Variants in EFNA5 observed in about 807,000 individuals in gnomAD.
EFNA5 encodes ephrin A5.
EFNA5 carries 5 observed loss-of-function variants against 22.9 expected under a neutral mutation model. The observed-to-expected ratio is 0.22, with a 90% CI of 0.11 to 0.46. EFNA5 has a LOEUF of 0.46. EFNA5 is among the 20% of genes least tolerant of loss of function. EFNA5 has a pLI of 0.99. For synonymous variants in EFNA5, 113 were observed against 112.2 expected (o/e 1.01, Z -0.04); for missense variants, 237 against 293.3 (o/e 0.81, Z 1.40).
intron 1 of EFNA5, among the ~76,000 whole-genome samples, chr5:107,449,029 C>G (rs981470472): frequency 6.6e-6 from 1 of 151,916 alleles, no homozygotes; most frequent in Non-Finnish European, 1.5e-5. Context: ...AATACTTCCC[C>G]TATACCTCAG....
chr5:107,447,026 T>C (rs1749416617), intron 1 of EFNA5, among the ~76,000 whole-genome samples: 1 of 152,202 alleles, frequency 6.6e-6, no homozygotes, highest in African/African-American at 2.4e-5. Context: ...AAAATCTTAC[T>C]TGCCAGCTAA....
At chr5:107,486,888 G>C (rs775285358) in intron 1 of EFNA5, among the ~76,000 whole-genome samples, 3 of 152,114 alleles carry the variant, frequency 2.0e-5, no homozygotes, top group Non-Finnish European at 2.9e-5. Flanking sequence ...AGAATTTTAG[G>C]GTCTCCTCAG....
At chr5:107,626,394 T>C (rs1004292940) in intron 1 of EFNA5, among the ~76,000 whole-genome samples, 5 of 152,216 alleles carry the variant, frequency 3.3e-5, no homozygotes, top group African/African-American at 1.2e-4. Flanking sequence ...TCTTCCTCCC[T>C]TAGGTAGTAG....
intron 1 of EFNA5, among the ~76,000 whole-genome samples, chr5:107,623,238 A>G (rs1447548615): frequency 6.6e-6 from 1 of 152,042 alleles, no homozygotes; most frequent in Non-Finnish European, 1.5e-5. Flanking sequence ...AGGACACGTA[A>G]TAGTTAAGAT....
At chr5:107,569,574 T>TATATATATATATAA (rs1748748797) in intron 1 of EFNA5, among the ~76,000 whole-genome samples, 1 of 127,058 alleles carries the variant, frequency 7.9e-6, no homozygotes, top group Non-Finnish European at 1.6e-5. Flanking sequence ...TATATATATA[T>TATATATATATATAA]ATATATATAT....
chr5:107,611,785 A>G (rs1419874532), intron 1 of EFNA5, among the ~76,000 whole-genome samples: 1 of 152,224 alleles, frequency 6.6e-6, no homozygotes, highest in East Asian at 1.9e-4. Context: ...CATTTTTAGT[A>G]CTGAAAAGGA....
At chr5:107,662,990 A>G (rs1335345214) in intron 1 of EFNA5, among the ~76,000 whole-genome samples, 3 of 152,056 alleles carry the variant, frequency 2.0e-5, no homozygotes, top group Admixed American at 6.5e-5. Context: ...AATATATAAT[A>G]TGCCTGGGTT....
At chr5:107,385,927 G>A (rs1747603176) in intron 4 of EFNA5, among the ~76,000 whole-genome samples, 1 of 152,102 alleles carries the variant, frequency 6.6e-6, no homozygotes, top group Non-Finnish European at 1.5e-5. Context: ...TGCGCTCTGG[G>A]TGAGATGCCT....
chr5:107,632,346 T>C (rs186879320), intron 1 of EFNA5, among the ~76,000 whole-genome samples: 1 of 152,302 alleles, frequency 6.6e-6, no homozygotes, highest in East Asian at 1.9e-4. Flanking sequence ...CTGATATACT[T>C]ATAAGAACAC....
intron 1 of EFNA5, among the ~76,000 whole-genome samples, chr5:107,451,879 T>C (rs1749568382): frequency 6.6e-6 from 1 of 152,158 alleles, no homozygotes; most frequent in Admixed American, 6.5e-5. Context: ...ACTGGGTATA[T>C]ACCCAAAGGG....
chr5:107,410,986 A>T (rs1227867651), intron 2 of EFNA5, among the ~76,000 whole-genome samples: 1 of 152,108 alleles, frequency 6.6e-6, no homozygotes, highest in Non-Finnish European at 1.5e-5. Flanking sequence ...TATATCCATT[A>T]AAAGAAAGAA....
intron 1 of EFNA5, among the ~76,000 whole-genome samples, chr5:107,664,793 G>T (rs1174725074): frequency 6.6e-6 from 1 of 152,070 alleles, no homozygotes; most frequent in African/African-American, 2.4e-5. Flanking sequence ...TTGCAACATG[G>T]ATATTCTAAT....
chr5:107,609,023 T>C (rs150946348), intron 1 of EFNA5, among the ~76,000 whole-genome samples: 4 of 152,346 alleles, frequency 2.6e-5, no homozygotes, highest in Admixed American at 6.5e-5. Flanking sequence ...CTGAGTGTTA[T>C]AGTTCTTCCT....
intron 1 of EFNA5, among the ~76,000 whole-genome samples, chr5:107,520,481 T>G (rs74494992): frequency 0.029 from 4,372 of 152,334 alleles, 174 homozygotes; most frequent in African/African-American, 0.095. Context: ...CAGTTGGCTA[T>G]GCTGTTCTCA....
At chr5:107,521,781 A>C (rs1239847833) in intron 1 of EFNA5, among the ~76,000 whole-genome samples, 1 of 152,164 alleles carries the variant, frequency 6.6e-6, no homozygotes, top group African/African-American at 2.4e-5. Context: ...CGTAAAGTGC[A>C]TAAATTGTAA....
intron 1 of EFNA5, among the ~76,000 whole-genome samples, chr5:107,449,501 T>C (rs1331295428): frequency 6.6e-6 from 1 of 151,960 alleles, no homozygotes; most frequent in East Asian, 1.9e-4. Flanking sequence ...GCTTATCACA[T>C]CATCCCTCCC....
At chr5:107,592,096 AAATATATT>A (rs1749381744) in intron 1 of EFNA5, among the ~76,000 whole-genome samples, 10 of 96,280 alleles carry the variant, frequency 1.0e-4, no homozygotes, top group African/African-American at 8.8e-4. Flanking sequence ...TTTTTAATAA[AAATATATT>A]TTATATATAT....
chr5:107,628,619 C>T (rs1750185622), intron 1 of EFNA5, among the ~76,000 whole-genome samples: 2 of 151,888 alleles, frequency 1.3e-5, no homozygotes, highest in African/African-American at 4.8e-5. Context: ...CATATTATAC[C>T]AGGGGAACCA....
At chr5:107,475,223 A>G (rs1316531228) in intron 1 of EFNA5, among the ~76,000 whole-genome samples, 2 of 152,194 alleles carry the variant, frequency 1.3e-5, no homozygotes, top group East Asian at 3.9e-4. Flanking sequence ...TTAATAATTA[A>G]TTTGTCTTTG....
Sources: allele counts gnomAD v4.1 joint callset (sites outside exome capture counted in the v4.1 genomes callset), GRCh38; gene constraint gnomAD v4.1.1; transcripts MANE v1.5; gene names NCBI Gene and HGNC (gene_info 2026-07-23, HGNC 2026-07-21).